The following SORCS2 variants were observed in gnomAD, a reference collection of about 807,000 sequenced individuals.
SORCS2 encodes VPS10 domain-containing receptor SorCS2.
A neutral mutation model predicts 141.6 loss-of-function variants in SORCS2; 100 were observed. The observed-to-expected ratio is 0.71, with a 90% CI of 0.60 to 0.83. The LOEUF is 0.83. Ranked by LOEUF, SORCS2 falls within the 40% of genes least tolerant of loss-of-function variation. SORCS2 has a pLI of 0.00. For missense variants in SORCS2, 1,646 were observed against 1,560.2 expected (o/e 1.05, Z -0.93); for synonymous variants, 789 against 676.9 (o/e 1.17, Z -2.57).
At position 7,737,145 on chromosome 4, in the gene SORCS2, A is replaced by C. The variant is rs1475632915; in HGVS notation, c.3388A>C (p.Ser1130Arg). 1.3e-6 allele frequency: 2 copies of C among 1,551,378 alleles called. No homozygotes were observed. Among genetic ancestry groups the C allele is most frequent in the Non-Finnish European group, 1.7e-6 (2 of 1,146,920 alleles). ...GGAGATGACCAGCCCTGTGAGTCAC[A>C]GTGAGGACGTCCAGGGCGCTGTCCA... ...EQEMTSPVSH[S>R]EDVQGAVQGN... Residue 1130 changes from serine (S) to arginine (R), a missense_variant, in exon 26 of 27, where the codon AGT becomes CGT. Ser to Arg is a moderately radical substitution (Grantham distance 110). Transcript: ENST00000507866.
intron 2 of SORCS2, among the ~76,000 whole-genome samples, chr4:7,425,730 G>C (rs1400357024): frequency 1.3e-5 from 2 of 152,206 alleles, no homozygotes; most frequent in East Asian, 1.9e-4. Context: ...GCAGTGGACC[G>C]AGCTGTCAGC....
chr4:7,214,750 G>A (rs1470264047), intron 1 of SORCS2, among the ~76,000 whole-genome samples: 1 of 152,212 alleles, frequency 6.6e-6, no homozygotes, highest in Non-Finnish European at 1.5e-5. Context: ...GAGCCAGTGA[G>A]GTCAGCACCT....
chr4:7,241,506 C>T (rs1300355842), intron 1 of SORCS2, among the ~76,000 whole-genome samples: 1 of 152,178 alleles, frequency 6.6e-6, no homozygotes, highest in African/African-American at 2.4e-5. Context: ...TTTTTACTTA[C>T]TGTGCACTCT....
intron 1 of SORCS2, among the ~76,000 whole-genome samples, chr4:7,386,164 TACACATGCGCACGCAC>T (rs1723286523): frequency 8.0e-6 from 1 of 124,684 alleles, no homozygotes; most frequent in African/African-American, 3.2e-5. Context: ...TACACAGAGA[TACACATGCGCACGCAC>T]ACACATGCAC....
chr4:7,692,053 G>T (rs983648918), intron 11 of SORCS2, among the ~76,000 whole-genome samples: 1 of 152,144 alleles, frequency 6.6e-6, no homozygotes, highest in Non-Finnish European at 1.5e-5. Context: ...CTTCTATTCA[G>T]TCTTGGCCAG....
intron 2 of SORCS2, among the ~76,000 whole-genome samples, chr4:7,500,633 C>T (rs111772551): frequency 3.3e-5 from 5 of 151,594 alleles, no homozygotes; most frequent in Non-Finnish European, 5.9e-5. Context: ...ACCAGTGTGC[C>T]GGCTGGAGAA....
intron 3 of SORCS2, among the ~76,000 whole-genome samples, chr4:7,614,974 T>G (rs1157561168): frequency 6.6e-6 from 1 of 152,056 alleles, no homozygotes; most frequent in African/African-American, 2.4e-5. Context: ...ATCCAGGGAC[T>G]AGCTCTCGAG....
At chr4:7,449,747 C>G (rs143799159) in intron 2 of SORCS2, among the ~76,000 whole-genome samples, 2 of 152,214 alleles carry the variant, frequency 1.3e-5, no homozygotes, top group Non-Finnish European at 2.9e-5. Context: ...TGTGCTGTCT[C>G]CAGCCATCTT....
At chr4:7,365,942 C>G (rs1458551438) in intron 1 of SORCS2, among the ~76,000 whole-genome samples, 3 of 152,210 alleles carry the variant, frequency 2.0e-5, no homozygotes, top group Non-Finnish European at 4.4e-5. Context: ...AACAAAACAG[C>G]ACCCAGCAAA....
chr4:7,508,500 G>A (rs907040192), intron 2 of SORCS2, among the ~76,000 whole-genome samples: 2 of 151,942 alleles, frequency 1.3e-5, no homozygotes, highest in South Asian at 2.1e-4. Context: ...ACTGGCATCC[G>A]CTAATTTTTG....
chr4:7,569,535 T>C (rs1020309412), intron 3 of SORCS2, among the ~76,000 whole-genome samples: 1 of 151,958 alleles, frequency 6.6e-6, no homozygotes, highest in African/African-American at 2.4e-5. Flanking sequence ...AAAAGAAATA[T>C]CTACAGAAGG....
rs145418921 is a variant in SORCS2 at position 7,717,460 on chromosome 4, T to C, written c.2253-552T>C. ...CCCATTCCCACTACCTGGCCCATAA[T>C]AGATGCTCAGTAAATAGGTTTCTCA... On this transcript the variant is annotated intron_variant, in intron 17 of 26. Coordinates refer to ENST00000507866, the MANE Select transcript of SORCS2 (RefSeq NM_020777.3). Among the ~76,000 whole-genome samples the C allele has an allele frequency of 4.6e-3, 702 of 152,332 alleles. 5 individuals carry two copies. The highest frequency in any genetic ancestry group is 0.016 in the African/African-American group (655 of 41,574).
intron 2 of SORCS2, among the ~76,000 whole-genome samples, chr4:7,423,148 G>A (rs1241176941): frequency 6.6e-6 from 1 of 152,136 alleles, no homozygotes; most frequent in Non-Finnish European, 1.5e-5. Flanking sequence ...CTAGGGGAAG[G>A]TGCCCTCCCT....
chr4:7,356,620 A>C (rs1721267213), intron 1 of SORCS2, among the ~76,000 whole-genome samples: 1 of 152,174 alleles, frequency 6.6e-6, no homozygotes. Context: ...CCTCACCTCC[A>C]AATACCGTTA....
intron 2 of SORCS2, among the ~76,000 whole-genome samples, chr4:7,401,548 G>C (rs948585246): frequency 2.0e-5 from 3 of 152,228 alleles, no homozygotes; most frequent in Non-Finnish European, 4.4e-5. Flanking sequence ...GAGCTGGAGA[G>C]AAAGCTTACC....
chr4:7,390,542 T>A (rs1001981792), intron 1 of SORCS2, among the ~76,000 whole-genome samples: 2 of 152,214 alleles, frequency 1.3e-5, no homozygotes, highest in East Asian at 3.9e-4. Flanking sequence ...CCTCAGTGTG[T>A]GTCTCTCCAA....
At chr4:7,318,354 G>A (rs1424883844) in intron 1 of SORCS2, among the ~76,000 whole-genome samples, 5 of 152,130 alleles carry the variant, frequency 3.3e-5, no homozygotes, top group Non-Finnish European at 4.4e-5. Flanking sequence ...GCCACTCCTT[G>A]CAAGGCGAAT....
rs543885994 is a variant in SORCS2, at chr4:7,320,680, T to C, written c.481-75608T>C. ...TTGATGAGGTTGGCCAGAGTCATTC[T>C]GTACACCTTGGAGGTGGGGCCCTTC... On this transcript the variant is annotated intron_variant, in intron 1 of 26. Transcript: ENST00000507866. Among the ~76,000 whole-genome samples, 361 of 152,302 alleles carry C rather than the reference T, an allele frequency of 2.4e-3. 4 individuals carry two copies. Among genetic ancestry groups the C allele is most frequent in the East Asian group, 2.5e-3 (13 of 5,174 alleles).
At chr4:7,518,059 C>T (rs1048007523) in intron 2 of SORCS2, among the ~76,000 whole-genome samples, 1 of 152,214 alleles carries the variant, frequency 6.6e-6, no homozygotes, top group African/African-American at 2.4e-5. Flanking sequence ...AATATGCTCA[C>T]ACAGGGACCA....
Sources: gnomAD v4.1 joint callset for allele counts (sites outside exome capture counted in the v4.1 genomes callset) on GRCh38, gnomAD v4.1.1 for gene constraint, MANE v1.5 for transcripts, NCBI Gene and HGNC (gene_info 2026-07-23, HGNC 2026-07-21) for gene names.